Variants in ASAP1 observed in about 807,000 individuals in gnomAD.
The protein encoded by ASAP1 is arf-GAP with SH3 domain, ANK repeat and PH domain-containing protein 1.
A neutral mutation model predicts 145.2 loss-of-function variants in ASAP1; 43 were observed. The ratio of observed to expected loss-of-function variants is 0.30; its 90% CI spans 0.23 to 0.38. ASAP1 has a LOEUF of 0.38. Among genes scored for constraint, ASAP1 ranks in the 10% least tolerant of loss-of-function variants. The pLI is 1.00. For missense variants in ASAP1, 1,018 were observed against 1,355.3 expected, an observed-to-expected ratio of 0.75 and a Z score of 3.91; for synonymous variants, 546 against 515.5, an observed-to-expected ratio of 1.06 and a Z score of -0.80.
intron 27 of ASAP1, among the ~76,000 whole-genome samples, chr8:130,067,788 G>A (rs1381510192): frequency 6.6e-6 from 1 of 152,278 alleles, no homozygotes; most frequent in East Asian, 1.9e-4. Flanking sequence ...TGATAAAAGT[G>A]TACATAGCAC....
chr8:130,237,813 A>G lies in ASAP1; in HGVS notation c.187-819T>C, dbSNP rs546214153. Among the ~76,000 whole-genome samples the G allele has an allele frequency of 2.6e-5, 4 of 152,258 alleles. No individual in the cohort carries two copies. The South Asian group carries it at 8.3e-4, about 32-fold the overall frequency. On this transcript the variant is annotated intron_variant, in intron 3 of 29. Transcript: ENST00000518721. ...CAAAAACAAGTTTAAAATGGGGCAT[A>G]GTCAATATACTTGGCACACTGGACT...
chr8:130,084,715 T>A (rs994558210), intron 25 of ASAP1: 1 of 152,144 alleles, frequency 6.6e-6, no homozygotes, highest in Non-Finnish European at 1.5e-5. Flanking sequence ...GTGCCTAATT[T>A]CCTCATCAGT....
At chr8:130,441,299 C>T (rs995403080) in intron 1 of ASAP1, among the ~76,000 whole-genome samples, 3 of 152,168 alleles carry the variant, frequency 2.0e-5, no homozygotes, top group African/African-American at 7.2e-5. Context: ...CAAGAAGTTT[C>T]CGCTCCTCCT....
chr8:130,310,746 C>CCCACCAAAGGAAA (rs1823292146), intron 3 of ASAP1, among the ~76,000 whole-genome samples: 1 of 151,998 alleles, frequency 6.6e-6, no homozygotes, highest in African/African-American at 2.4e-5. Flanking sequence ...CTACTTCATG[C>CCCACCAAAGGAAA]CCACCAAAGG....
At chr8:130,340,991 G>A (rs993212037) in intron 3 of ASAP1, 1 of 442,916 alleles carries the variant, frequency 2.3e-6, no homozygotes, top group African/African-American at 2.1e-5. Context: ...TTGTCGCTGG[G>A]GGGCAGTGGT....
chr8:130,339,297 G>A (rs994495925), intron 3 of ASAP1, among the ~76,000 whole-genome samples: 6 of 152,006 alleles, frequency 3.9e-5, no homozygotes, highest in South Asian at 4.1e-4. Context: ...AAAAATTCTC[G>A]GTAAGAACAA....
intron 7 of ASAP1, among the ~76,000 whole-genome samples, chr8:130,182,831 C>CAAAAAAAAAAAAAAAAAA (rs35195899): frequency 1.4e-5 from 1 of 73,584 alleles, no homozygotes; most frequent in Non-Finnish European, 2.6e-5. Flanking sequence ...TATAAAAAGG[C>CAAAAAAAAAAAAAAAAAA]AAAAAAAAAA....
chr8:130,337,718 T>C (rs1052397659), intron 3 of ASAP1, among the ~76,000 whole-genome samples: 1 of 152,214 alleles, frequency 6.6e-6, no homozygotes, highest in Non-Finnish European at 1.5e-5. Flanking sequence ...CATGCATTTC[T>C]TTCCATTTTT....
At position 130,137,053 on chromosome 8, in the gene ASAP1, A is replaced by G; in HGVS notation, c.1081-15T>C. ...TGCCTGTTAGACTGGAAAAAAAGAG[A>G]AAATGGAGAAGTTACATGCAGCTCC... On this transcript the variant is annotated splice_polypyrimidine_tract_variant and intron_variant, in intron 13 of 29. Coordinates refer to ENST00000518721, the MANE Select transcript of ASAP1 (RefSeq NM_018482.4). 6.2e-7 allele frequency: 1 copy of G among 1,609,806 alleles called. No homozygotes were observed.
At chr8:130,291,597 AAGGAAGGGGAAG>A (rs1821948056) in intron 3 of ASAP1, among the ~76,000 whole-genome samples, 1 of 152,226 alleles carries the variant, frequency 6.6e-6, no homozygotes, top group Non-Finnish European at 1.5e-5. Context: ...AAGAGGGGAA[AAGGAAGGGGAAG>A]AGGAGGCTGA....
chr8:130,117,506 CCTCA>C (rs898506578), intron 20 of ASAP1, among the ~76,000 whole-genome samples: 3 of 152,110 alleles, frequency 2.0e-5, no homozygotes, highest in African/African-American at 7.2e-5. Flanking sequence ...GTTCAAATCC[CCTCA>C]CTATTTTGAT....
intron 13 of ASAP1, among the ~76,000 whole-genome samples, chr8:130,142,827 T>G (rs1211076916): frequency 6.6e-6 from 1 of 151,912 alleles, no homozygotes; most frequent in Non-Finnish European, 1.5e-5. Context: ...ACTCTGGCAA[T>G]CTACTGGAGA....
At chr8:130,300,643 CT>C (rs772320933) in intron 3 of ASAP1, among the ~76,000 whole-genome samples, 7 of 152,172 alleles carry the variant, frequency 4.6e-5, no homozygotes, top group Non-Finnish European at 1.0e-4. Context: ...GCTAATAGTT[CT>C]CAACAGATAA....
At chr8:130,355,430 G>C (rs981956408) in intron 3 of ASAP1, among the ~76,000 whole-genome samples, 15 of 152,066 alleles carry the variant, frequency 9.9e-5, no homozygotes, top group Admixed American at 4.6e-4. Flanking sequence ...CTAGGAAAAT[G>C]TTTTTTTTAA....
rs150248920 is a variant in ASAP1 at position 130,226,854 on chromosome 8, G to C, written c.259+10068C>G. 7.2e-5 allele frequency among the ~76,000 whole-genome samples: 11 copies of C among 152,238 alleles called. No homozygotes were observed. In the East Asian group the frequency reaches 2.1e-3, roughly 29 times the overall value. Reference sequence around the variant, plus strand: ...CCAGAAGAAATACACAATACACTTTGGTTTACTGATGGCTCTGTAGGTAAT... The same window carrying C: ...CCAGAAGAAATACACAATACACTTTCGTTTACTGATGGCTCTGTAGGTAAT... On this transcript the variant is annotated intron_variant, in intron 4 of 29. Coordinates refer to ENST00000518721, the MANE Select transcript of ASAP1 (RefSeq NM_018482.4).
chr8:130,339,558 G>T (rs1310462738), intron 3 of ASAP1, among the ~76,000 whole-genome samples: 1 of 152,160 alleles, frequency 6.6e-6, no homozygotes, highest in Non-Finnish European at 1.5e-5. Context: ...TGCTCTATCT[G>T]CTTGGTTTGT....
chr8:130,209,618 T>G (rs2136385656), intron 5 of ASAP1, among the ~76,000 whole-genome samples: 1 of 152,332 alleles, frequency 6.6e-6, no homozygotes, highest in East Asian at 1.9e-4. Flanking sequence ...AAATGGATTT[T>G]TATCACATCT....
intron 3 of ASAP1, among the ~76,000 whole-genome samples, chr8:130,272,286 T>C (rs1045038417): frequency 1.3e-5 from 2 of 152,094 alleles, no homozygotes; most frequent in South Asian, 4.2e-4. Context: ...CATAATGACA[T>C]ATCATCTTAT....
chr8:130,424,143 A>G (rs1174979114), intron 1 of ASAP1, among the ~76,000 whole-genome samples: 7 of 152,214 alleles, frequency 4.6e-5, no homozygotes, highest in Non-Finnish European at 5.9e-5. Flanking sequence ...AAAGGCCTTG[A>G]GGTTAAAAAA....
Sources: gnomAD v4.1 joint callset for allele counts (sites outside exome capture counted in the v4.1 genomes callset) on GRCh38, gnomAD v4.1.1 for gene constraint, MANE v1.5 for transcripts, NCBI Gene and HGNC (gene_info 2026-07-23, HGNC 2026-07-21) for gene names.